Variants in ERI1 observed in about 807,000 individuals in gnomAD.
ERI1 encodes the protein 3'-5' exoribonuclease 1.
ERI1 carries 39 observed loss-of-function variants against 39.7 expected under a neutral mutation model. The observed-to-expected ratio is 0.98, with a 90% confidence interval of 0.76 to 1.28. ERI1 has a LOEUF of 1.28. ERI1 is among the 50% of genes most tolerant of loss of function. The probability of loss-of-function intolerance (pLI) is 0.00; values close to 1 mark genes in which losing one functional copy is unlikely to be tolerated. For synonymous variants in ERI1, 204 were observed against 149.6 expected, an observed-to-expected ratio of 1.36 and a Z score of -2.65; for missense variants, 581 against 416.9, an observed-to-expected ratio of 1.39 and a Z score of -3.43.
chr8:9,026,436 T>C (rs938935119), intron 6 of ERI1, among the ~76,000 whole-genome samples: 2 of 152,192 alleles, frequency 1.3e-5, no homozygotes, highest in Non-Finnish European at 2.9e-5. Context: ...TCTGTCTCTA[T>C]CAGTTTGACT....
At chr8:9,020,944 T>C (rs1817822241) in intron 6 of ERI1, among the ~76,000 whole-genome samples, 2 of 152,186 alleles carry the variant, frequency 1.3e-5, no homozygotes, top group South Asian at 2.1e-4. Flanking sequence ...TTTTCAAATA[T>C]TTACCTTTGT....
chr8:9,078,605 G>A (rs113061195), intron 3 of ERI1, among the ~76,000 whole-genome samples: 90 of 152,256 alleles, frequency 5.9e-4, no homozygotes, highest in African/African-American at 2.0e-3. Context: ...CAGATCAAAA[G>A]AGGGTTTTAT....
chr8:9,082,425 T>C (rs781217490), intron 3 of ERI1, among the ~76,000 whole-genome samples: 12 of 152,202 alleles, frequency 7.9e-5, no homozygotes, highest in Non-Finnish European at 1.2e-4. Context: ...CTGGTGTTAA[T>C]ATTCTGAAAA....
intron 3 of ERI1, among the ~76,000 whole-genome samples, chr8:9,081,891 C>G (rs1799384545): frequency 6.6e-6 from 1 of 152,158 alleles, no homozygotes; most frequent in African/African-American, 2.4e-5. Flanking sequence ...TATGTCTAGA[C>G]TTCTCATTAG....
chr8:9,004,685 T>C (rs1016219163), intron 1 of ERI1, among the ~76,000 whole-genome samples: 13 of 129,624 alleles, frequency 1.0e-4, no homozygotes, highest in African/African-American at 4.1e-4. Flanking sequence ...GTAATGATAC[T>C]TTTTTTTTTT....
chr8:9,069,712 T>G (rs1480161536), intron 3 of ERI1, among the ~76,000 whole-genome samples: 4 of 152,118 alleles, frequency 2.6e-5, no homozygotes, highest in Non-Finnish European at 5.9e-5. Flanking sequence ...ATGTACCCCC[T>G]GAATCTGGAA....
chr8:9,066,250 G>C (rs528943102), intron 3 of ERI1, among the ~76,000 whole-genome samples: 1 of 152,004 alleles, frequency 6.6e-6, no homozygotes, highest in Non-Finnish European at 1.5e-5. Context: ...CCACTAGCAG[G>C]GGCATCTCTT....
chr8:9,051,213 TGGTGGCTGAGAAGTCCAC>T (rs979136474), intron 3 of ERI1, among the ~76,000 whole-genome samples: 3 of 151,902 alleles, frequency 2.0e-5, no homozygotes, highest in Admixed American at 2.0e-4. Context: ...TCTTACAGTA[TGGTGGCTGAGAAGTCCAC>T]GGTTGAGGGA....
At chr8:9,094,454 A>G (rs1189602343) in intron 3 of ERI1, among the ~76,000 whole-genome samples, 1 of 152,112 alleles carries the variant, frequency 6.6e-6, no homozygotes, top group East Asian at 1.9e-4. Context: ...TACCTCTTTG[A>G]TGAGGCAAAA....
chr8:9,004,203 T>C (rs1439093468), intron 1 of ERI1: 2 of 1,283,944 alleles, frequency 1.6e-6, no homozygotes, highest in East Asian at 5.6e-5. Context: ...AAGGTTGTTA[T>C]TTCAAAGAGT....
chr8:9,045,366 T>C (rs1458749963), intron 3 of ERI1, among the ~76,000 whole-genome samples: 1 of 152,130 alleles, frequency 6.6e-6, no homozygotes, highest in Non-Finnish European at 1.5e-5. Flanking sequence ...TTACGTATAC[T>C]TGCACTGAAA....
Position 9,018,365 on chromosome 8 carries a change from G to C in ERI1, c.651G>C (p.Lys217Asn). 6.2e-7 allele frequency: 1 copy of C among 1,610,622 alleles called. No individual in the cohort carries two copies. The highest frequency in any genetic ancestry group is 8.5e-7 in the Non-Finnish European group (1 of 1,177,120). ...LKKVIDWMKL[K>N]ELGTKYKYSL... Reference sequence around the variant, plus strand: ...AAGTAATTGACTGGATGAAATTGAAGGAATTAGGAACAAAGTATAAATACT... The same window carrying C: ...AAGTAATTGACTGGATGAAATTGAACGAATTAGGAACAAAGTATAAATACT... Residue 217 changes from lysine (K) to asparagine (N), a missense_variant, in exon 5 of 7, where the codon AAG becomes AAC. Transcript: ENST00000250263.
chr8:9,018,556 G>A (rs1817547197), intron 5 of ERI1, 150 bp downstream of exon 5: 2 of 530,582 alleles, frequency 3.8e-6, no homozygotes, highest in Non-Finnish European at 6.7e-6. Flanking sequence ...TTCACCTAAG[G>A]ATGAAAGAGA....
intron 3 of ERI1, among the ~76,000 whole-genome samples, chr8:9,066,558 A>G (rs965632769): frequency 2.6e-5 from 4 of 152,208 alleles, no homozygotes; most frequent in Non-Finnish European, 5.9e-5. Flanking sequence ...GGAGGGTGAC[A>G]AATGACAGGC....
rs1563366837 is a variant in ERI1, at chr8:9,064,060, A to ATG, written n.299+43596_299+43597insTG. ...GGGTGTGTAAATAAGGGGTTGGGGC[A>ATG]CAGAGATAAGAGGTTGGAGTGTGGA... On this transcript the variant is annotated intron_variant and non_coding_transcript_variant, in intron 3 of 3. Coordinates refer to the ERI1 transcript ENST00000518663. 3.1e-4 allele frequency among the ~76,000 whole-genome samples: 47 copies of ATG among 150,438 alleles called. 1 individual carries two copies. Among genetic ancestry groups the ATG allele is most frequent in the Admixed American group, 2.2e-3 (33 of 15,130 alleles).
At chr8:9,003,384 T>C (rs2288671) in intron 1 of ERI1, among the ~76,000 whole-genome samples, 67,417 of 152,034 alleles carry the variant, frequency 0.44, 15,916 homozygotes, top group East Asian at 0.71. Flanking sequence ...AGGGAGGAAA[T>C]CGTCAAGACC....
At chr8:9,081,557 C>G (rs1002413041) in intron 3 of ERI1, among the ~76,000 whole-genome samples, 2 of 152,168 alleles carry the variant, frequency 1.3e-5, no homozygotes, top group Non-Finnish European at 2.9e-5. Flanking sequence ...CCTGGGATCC[C>G]TCTTCCCCTC....
At chr8:9,046,723 G>A (rs1266111184) in intron 3 of ERI1, among the ~76,000 whole-genome samples, 1 of 152,202 alleles carries the variant, frequency 6.6e-6, no homozygotes, top group African/African-American at 2.4e-5. Flanking sequence ...CTATTAGCTT[G>A]GTACAAAGAA....
At chr8:9,070,806 A>G (rs923925452) in intron 3 of ERI1, among the ~76,000 whole-genome samples, 1 of 152,208 alleles carries the variant, frequency 6.6e-6, no homozygotes, top group Non-Finnish European at 1.5e-5. Flanking sequence ...AGCTCCATGA[A>G]CCACGTTTGT....
Sources: allele counts gnomAD v4.1 joint callset (sites outside exome capture counted in the v4.1 genomes callset), GRCh38; gene constraint gnomAD v4.1.1; transcripts MANE v1.5; gene names NCBI Gene and HGNC (gene_info 2026-07-23, HGNC 2026-07-21).